Variants in SNTB2 observed in about 807,000 individuals in gnomAD.
SNTB2 encodes the protein beta-2-syntrophin.
In SNTB2, 34 loss-of-function variants were observed where a neutral mutation model predicts 46.2. That is an observed-to-expected ratio of 0.74 (90% CI 0.56 to 0.98). SNTB2 has a LOEUF of 0.98. Among genes scored for constraint, SNTB2 ranks in the 50% least tolerant of loss-of-function variants. The pLI is 0.00. For synonymous variants in SNTB2, 290 were observed against 312.6 expected, an observed-to-expected ratio of 0.93 and a Z score of 0.76; for missense variants, 603 against 731.4, an observed-to-expected ratio of 0.82 and a Z score of 2.02.
intron 5 of SNTB2, among the ~76,000 whole-genome samples, chr16:69,299,018 C>G (rs1459271906): frequency 6.6e-6 from 1 of 152,178 alleles, no homozygotes; most frequent in South Asian, 2.1e-4. Context: ...TCTCTAGTGC[C>G]TTGCACAGCC....
chr16:69,275,398 A>G (rs543807988), intron 4 of SNTB2, among the ~76,000 whole-genome samples: 8 of 152,352 alleles, frequency 5.3e-5, no homozygotes, highest in African/African-American at 1.9e-4. Flanking sequence ...AATTAATGTA[A>G]CAACAGGGAT....
chr16:69,208,991 T>TGTGTGTGTGTGTGTGTGTGTGTG (rs1567397568), intron 1 of SNTB2, among the ~76,000 whole-genome samples: 7 of 150,970 alleles, frequency 4.6e-5, no homozygotes, highest in African/African-American at 1.5e-4. Context: ...TGTGTGTGTG[T>TGTGTGTGTGTGTGTGTGTGTGTG]TTTTGAGATG....
At chr16:69,259,903 C>G (rs1257845242) in intron 2 of SNTB2, 147 bp from the exon 3 acceptor site, 3 of 704,864 alleles carry the variant, frequency 4.3e-6, no homozygotes, top group Non-Finnish European at 7.3e-6. Flanking sequence ...AGCCACCGTG[C>G]CCAGCCAAGA....
intron 2 of SNTB2, among the ~76,000 whole-genome samples, chr16:69,258,605 CT>C (rs67116274): frequency 0.14 from 11,913 of 83,920 alleles, 204 homozygotes; most frequent in Non-Finnish European, 0.17. Context: ...CTTGTTCTTT[CT>C]TTTTTTTTTT....
intron 1 of SNTB2, among the ~76,000 whole-genome samples, chr16:69,193,876 G>T (rs1559411): frequency 6.6e-6 from 1 of 151,914 alleles, no homozygotes; most frequent in Non-Finnish European, 1.5e-5. Flanking sequence ...CCCATTTCTT[G>T]TCATTGCAGT....
chr16:69,245,937 T>TG, intron 2 of SNTB2, 122 bp downstream of exon 2: 1 of 1,043,222 alleles, frequency 9.6e-7, no homozygotes, highest in Admixed American at 2.4e-5. Context: ...AGGTGAGAGA[T>TG]GCATTTTTGG....
At chr16:69,297,335 G>A (rs1476136064) in intron 5 of SNTB2, among the ~76,000 whole-genome samples, 2 of 136,570 alleles carry the variant, frequency 1.5e-5, no homozygotes, top group Non-Finnish European at 3.2e-5. Context: ...AAAAAAAAAA[G>A]GAGGCCGGGC....
At chr16:69,237,291 A>G in intron 1 of SNTB2, among the ~76,000 whole-genome samples, 1 of 151,810 alleles carries the variant, frequency 6.6e-6, no homozygotes, top group Non-Finnish European at 1.5e-5. Context: ...AAGGAATACA[A>G]AACAGCTGGT....
At chr16:69,254,881 G>A (rs1461505694) in intron 2 of SNTB2, among the ~76,000 whole-genome samples, 1 of 152,088 alleles carries the variant, frequency 6.6e-6, no homozygotes, top group African/African-American at 2.4e-5. Flanking sequence ...TTAACTGGGA[G>A]GCTGAGGTGG....
Position 69,281,905 on chromosome 16 carries a change from C to CTTTTTTT in SNTB2, c.1149-2132_1149-2126dup, listed in dbSNP as rs776664092. 2.9e-3 allele frequency among the ~76,000 whole-genome samples: 366 copies of CTTTTTTT among 125,278 alleles called. 3 individuals are homozygous for CTTTTTTT. Among genetic ancestry groups the CTTTTTTT allele is most frequent in the African/African-American group, 0.01 (336 of 33,048 alleles). 82.2% of individuals were successfully genotyped at this position (125,278 alleles called of 152,430 possible). ...TCCATTGAATCACATTTGTTTCTCT[C>CTTTTTTT]TTTTTTTTTTTTTTTTTGAGAGGGA... On this transcript the variant is annotated intron_variant, in intron 4 of 6. Coordinates refer to ENST00000336278, the MANE Select transcript of SNTB2 (RefSeq NM_006750.4).
chr16:69,271,415 G>T (rs926545911), intron 4 of SNTB2, among the ~76,000 whole-genome samples: 6 of 152,038 alleles, frequency 3.9e-5, no homozygotes, highest in Non-Finnish European at 7.4e-5. Context: ...TTAATATTTG[G>T]TTTTTTAAAT....
chr16:69,244,962 G>A (rs149410510), intron 1 of SNTB2, among the ~76,000 whole-genome samples: 77 of 152,296 alleles, frequency 5.1e-4, no homozygotes, highest in Non-Finnish European at 8.1e-4. Context: ...ACTTAGCTTA[G>A]TATGGGGAGG....
At chr16:69,278,584 T>A (rs756908635) in intron 4 of SNTB2, among the ~76,000 whole-genome samples, 14 of 151,750 alleles carry the variant, frequency 9.2e-5, no homozygotes, top group Non-Finnish European at 2.1e-4. Flanking sequence ...GCCTCCCGAG[T>A]AGCTGGAATT....
At chr16:69,199,406 C>T (rs771586254) in intron 1 of SNTB2, among the ~76,000 whole-genome samples, 5 of 150,584 alleles carry the variant, frequency 3.3e-5, no homozygotes, top group Non-Finnish European at 5.9e-5. Context: ...AGCAGCTAAT[C>T]GCCTTCAAAT....
At chr16:69,208,406 CAA>C (rs78059351) in intron 1 of SNTB2, among the ~76,000 whole-genome samples, 13 of 114,214 alleles carry the variant, frequency 1.1e-4, no homozygotes, top group African/African-American at 6.5e-5. Context: ...AACTTCGTCT[CAA>C]AAAAAAAAAA....
At chr16:69,188,620 A>G (rs1366808448) in intron 1 of SNTB2, among the ~76,000 whole-genome samples, 1 of 152,232 alleles carries the variant, frequency 6.6e-6, no homozygotes, top group Non-Finnish European at 1.5e-5. Context: ...GTGATAGAGT[A>G]TTGTAAATTA....
intron 1 of SNTB2, among the ~76,000 whole-genome samples, chr16:69,223,305 G>A (rs1169331467): frequency 6.6e-6 from 1 of 150,868 alleles, no homozygotes. Context: ...CGATTCTCCT[G>A]CCTCAGCCTC....
intron 1 of SNTB2, chr16:69,235,681 C>T (rs1207763682): frequency 8.0e-7 from 1 of 1,245,812 alleles, no homozygotes; most frequent in Non-Finnish European, 1.0e-6. Flanking sequence ...ACCAATATGA[C>T]AGCTTCAAAC....
At chr16:69,194,220 G>A (rs761245608) in intron 1 of SNTB2, among the ~76,000 whole-genome samples, 3 of 152,144 alleles carry the variant, frequency 2.0e-5, no homozygotes, top group Non-Finnish European at 4.4e-5. Flanking sequence ...AGGATGGGGT[G>A]CAATATGCAT....
Sources: gnomAD v4.1 joint callset for allele counts (sites outside exome capture counted in the v4.1 genomes callset) on GRCh38, gnomAD v4.1.1 for gene constraint, MANE v1.5 for transcripts, NCBI Gene and HGNC (gene_info 2026-07-23, HGNC 2026-07-21) for gene names.